Variants in NAV2 observed in about 807,000 individuals in gnomAD.
The protein encoded by NAV2 is neuron navigator 2.
A neutral mutation model predicts 223.2 loss-of-function variants in NAV2; 54 were observed. The ratio of observed to expected loss-of-function variants is 0.24; its 90% CI spans 0.19 to 0.30. NAV2 has a LOEUF of 0.30. Ranked by LOEUF, NAV2 falls within the 10% of genes least tolerant of loss-of-function variation. The probability of loss-of-function intolerance (pLI) is 1.00; values close to 1 mark genes in which losing one functional copy is unlikely to be tolerated. For missense variants in NAV2, 2,806 were observed against 3,147.5 expected (o/e 0.89, Z 2.60); for synonymous variants, 1,279 against 1,239.3 (o/e 1.03, Z -0.67).
chr11:19,772,771 T>C (rs1453754987), intron 1 of NAV2, among the ~76,000 whole-genome samples: 1 of 152,174 alleles, frequency 6.6e-6, no homozygotes, highest in Non-Finnish European at 1.5e-5. Flanking sequence ...ATGGGAGCAG[T>C]CTAGAGAGCC....
chr11:19,910,005 T>A (rs2043179404), intron 6 of NAV2, among the ~76,000 whole-genome samples: 1 of 152,178 alleles, frequency 6.6e-6, no homozygotes, highest in African/African-American at 2.4e-5. Context: ...TAACAGTCAC[T>A]GCCCATCGTG....
At chr11:19,718,317 A>G (rs745436810) in intron 1 of NAV2, among the ~76,000 whole-genome samples, 54 of 152,220 alleles carry the variant, frequency 3.5e-4, no homozygotes, top group Non-Finnish European at 6.0e-4. Flanking sequence ...GCCTATTTTT[A>G]AGAAGCAGTT....
chr11:19,846,308 G>A (rs907008759), intron 3 of NAV2, among the ~76,000 whole-genome samples: 5 of 152,130 alleles, frequency 3.3e-5, no homozygotes, highest in African/African-American at 1.2e-4. Flanking sequence ...TCTAGCCTCT[G>A]GGCAGCATCA....
chr11:19,576,918 G>T (rs373623224), intron 1 of NAV2, among the ~76,000 whole-genome samples: 1 of 152,172 alleles, frequency 6.6e-6, no homozygotes, highest in Non-Finnish European at 1.5e-5. Context: ...AGGCTGAGTG[G>T]TGCTGGTTAT....
At chr11:19,460,456 C>A (rs185248135) in intron 1 of NAV2, among the ~76,000 whole-genome samples, 2 of 152,072 alleles carry the variant, frequency 1.3e-5, no homozygotes, top group African/African-American at 2.4e-5. Context: ...TGGTGGGTGA[C>A]CCCCAAATAG....
At chr11:19,578,935 C>T (rs1008877902) in intron 1 of NAV2, among the ~76,000 whole-genome samples, 3 of 152,108 alleles carry the variant, frequency 2.0e-5, no homozygotes, top group African/African-American at 7.2e-5. Context: ...TGTTCACACA[C>T]CCAAGATTAC....
At chr11:19,916,810 A>G (rs1281587489) in intron 6 of NAV2, among the ~76,000 whole-genome samples, 1 of 152,238 alleles carries the variant, frequency 6.6e-6, no homozygotes, top group Admixed American at 6.5e-5. Flanking sequence ...ATTTACAAAA[A>G]TAGGTGGGGA....
chr11:19,714,408 T>C (rs1456891944), intron 1 of NAV2: 1 of 460,368 alleles, frequency 2.2e-6, no homozygotes, highest in African/African-American at 2.0e-5. Flanking sequence ...CGACGCCCCC[T>C]AGCCTGGCTG....
rs558730256 is a variant in NAV2, at chr11:19,561,885, C to T, written c.75+210858C>T. Among the ~76,000 whole-genome samples the T allele has an allele frequency of 3.3e-5, 5 of 152,226 alleles. No homozygotes were observed. The South Asian group carries it at 1.0e-3, about 32-fold the overall frequency. On this transcript the variant is annotated intron_variant, in intron 1 of 37. Transcript: ENST00000360655. ...GCTAAGAAGAGATCCTGCCCCACTG[C>T]CCCAGGCTACCATCCCTGGGGATGA...
At chr11:19,580,218 G>A (rs1004564860) in intron 1 of NAV2, among the ~76,000 whole-genome samples, 7 of 152,132 alleles carry the variant, frequency 4.6e-5, no homozygotes, top group African/African-American at 7.2e-5. Context: ...AGTTGTCACC[G>A]AAACCCAGAT....
chr11:19,816,229 T>C (rs1246618511), intron 1 of NAV2, among the ~76,000 whole-genome samples: 1 of 152,182 alleles, frequency 6.6e-6, no homozygotes, highest in East Asian at 1.9e-4. Flanking sequence ...GGAATGAGGC[T>C]CCCAAATGGG....
intron 1 of NAV2, chr11:19,778,348 G>C: frequency 4.4e-6 from 2 of 455,820 alleles, no homozygotes; most frequent in South Asian, 3.1e-5. Context: ...GTAAAATGGA[G>C]CAAGTTCCCA....
intron 9 of NAV2, among the ~76,000 whole-genome samples, chr11:19,948,228 G>A (rs1353749810): frequency 1.3e-5 from 2 of 152,112 alleles, no homozygotes; most frequent in African/African-American, 4.8e-5. Context: ...TGGGACTATA[G>A]GCACATGCCA....
chr11:19,452,521 C>T (rs1481428200), intron 1 of NAV2, among the ~76,000 whole-genome samples: 1 of 152,236 alleles, frequency 6.6e-6, no homozygotes, highest in East Asian at 1.9e-4. Context: ...TGTACTGATG[C>T]TCCTTGATTT....
chr11:19,759,212 A>C (rs1272215458), intron 1 of NAV2, among the ~76,000 whole-genome samples: 1 of 146,918 alleles, frequency 6.8e-6, no homozygotes, highest in Admixed American at 7.1e-5. Flanking sequence ...CCTCCCCAGC[A>C]GCTGGGACAA....
intron 10 of NAV2, among the ~76,000 whole-genome samples, chr11:19,968,727 T>G (rs562312871): frequency 8.9e-4 from 136 of 152,354 alleles, no homozygotes; most frequent in African/African-American, 3.1e-3. Context: ...TGTGTAGCAG[T>G]ATCAGTCACT....
Position 19,629,267 on chromosome 11 carries a change from T to C in NAV2, c.76-203217T>C, listed in dbSNP as rs1304333631. On this transcript the variant is annotated intron_variant, in intron 1 of 37. Coordinates refer to the NAV2 transcript ENST00000360655. ...CCCAGAGAACAAGACCAAAATATCATTTTAGGCAGAGCCATTCAGTCCTCT... is the reference window on the plus strand; with the variant it reads ...CCCAGAGAACAAGACCAAAATATCACTTTAGGCAGAGCCATTCAGTCCTCT... Among the ~76,000 whole-genome samples the C allele has an allele frequency of 7.2e-5, 11 of 152,152 alleles. No individual in the cohort carries two copies. In the East Asian group the frequency reaches 2.1e-3, roughly 29 times the overall value.
At chr11:19,883,085 T>C (rs900969371) in intron 5 of NAV2, among the ~76,000 whole-genome samples, 7 of 152,184 alleles carry the variant, frequency 4.6e-5, no homozygotes, top group African/African-American at 1.7e-4. Flanking sequence ...TGATTATTAA[T>C]GTCAAATGTT....
chr11:19,354,024 T>A (rs1853472386), intron 1 of NAV2, among the ~76,000 whole-genome samples: 1 of 152,222 alleles, frequency 6.6e-6, no homozygotes, highest in South Asian at 2.1e-4. Flanking sequence ...AGAGTTACAC[T>A]GTAGAAGTGC....
Sources: gnomAD v4.1 joint callset for allele counts (sites outside exome capture counted in the v4.1 genomes callset) on GRCh38, gnomAD v4.1.1 for gene constraint, MANE v1.5 for transcripts, NCBI Gene and HGNC (gene_info 2026-07-23, HGNC 2026-07-21) for gene names.